ERI1: variants seen among roughly 807,000 people sequenced by gnomAD.
ERI1 encodes the protein 3'-5' exoribonuclease 1.
In ERI1, 39 loss-of-function variants were observed where a neutral mutation model predicts 39.7. The ratio of observed to expected loss-of-function variants is 0.98; its 90% CI spans 0.76 to 1.28. The LOEUF is 1.28. ERI1 is among the 50% of genes most tolerant of loss of function. The pLI is 0.00. For missense variants in ERI1, 581 were observed against 416.9 expected (o/e 1.39, Z -3.43); for synonymous variants, 204 against 149.6 (o/e 1.36, Z -2.65).
rs1182633803 is a variant in ERI1 at position 9,015,740 on chromosome 8, A to AAAAAAAAAAAG, written c.499-581_499-580insAAAAAAAAAGA. On this transcript the variant is annotated intron_variant, in intron 3 of 6. Transcript: ENST00000250263. Reference sequence around the variant, plus strand: ...CTGTCTCCAAAAAAAAAAAAAAAAAAAGAGACCATCGTGAAAGCTTCTTGA... The same window carrying AAAAAAAAAAAG: ...CTGTCTCCAAAAAAAAAAAAAAAAAAAAAAAAAAAAGAGAGACCATCGTGAAAGCTTCTTGA... 2.6e-3 allele frequency among the ~76,000 whole-genome samples: 386 copies of AAAAAAAAAAAG among 148,426 alleles called. 5 individuals carry two copies. The highest frequency in any genetic ancestry group is 9.5e-3 in the African/African-American group (368 of 38,642).
At chr8:9,086,972 C>T (rs1455343884) in intron 3 of ERI1, among the ~76,000 whole-genome samples, 2 of 152,012 alleles carry the variant, frequency 1.3e-5, no homozygotes, top group South Asian at 2.1e-4. Context: ...CTAGTTAGTG[C>T]TGGGCGGTAG....
intron 3 of ERI1, among the ~76,000 whole-genome samples, chr8:9,084,410 G>A (rs1192247233): frequency 6.6e-6 from 1 of 152,124 alleles, no homozygotes; most frequent in Non-Finnish European, 1.5e-5. Flanking sequence ...TAGTGGAATT[G>A]TATGGACAGT....
At chr8:9,071,184 G>A (rs1445363807) in intron 3 of ERI1, among the ~76,000 whole-genome samples, 1 of 152,216 alleles carries the variant, frequency 6.6e-6, no homozygotes, top group Non-Finnish European at 1.5e-5. Flanking sequence ...CTAAGCAGAT[G>A]ATTGCATTGT....
intron 6 of ERI1, among the ~76,000 whole-genome samples, chr8:9,027,758 A>T (rs772386166): frequency 6.6e-6 from 1 of 152,084 alleles, no homozygotes; most frequent in East Asian, 1.9e-4. Flanking sequence ...CATTGATTCA[A>T]TGTATTTGTG....
rs560279359 is a variant in ERI1 at position 9,078,063 on chromosome 8, C to T, written n.300-38285C>T. Among the ~76,000 whole-genome samples the T allele has an allele frequency of 5.9e-5, 9 of 152,272 alleles. No individual in the cohort carries two copies. The East Asian group carries it at 1.3e-3, about 23-fold the overall frequency. On this transcript the variant is annotated intron_variant and non_coding_transcript_variant, in intron 3 of 3. Transcript: ENST00000518663. The stretch of plus-strand genomic sequence containing the variant: ...GGAATGCAGTGGAGTGATCTCGGCT[C>T]ACTGCAACCTCCACCTCCTGGGTTC...
chr8:9,011,888 A>G (rs934616310), intron 3 of ERI1, 136 bp downstream of exon 3: 1 of 578,540 alleles, frequency 1.7e-6, no homozygotes, highest in Non-Finnish European at 2.9e-6. Context: ...CATGAACTTT[A>G]TATCAGCTTG....
chr8:9,076,434 G>A (rs79582759), intron 3 of ERI1, among the ~76,000 whole-genome samples: 8,414 of 152,158 alleles, frequency 0.055, 330 homozygotes, highest in Middle Eastern at 0.095. Context: ...ATGAGATGAA[G>A]GATTTAAATA....
intron 3 of ERI1, among the ~76,000 whole-genome samples, chr8:9,046,250 A>G (rs1441071773): frequency 1.3e-5 from 2 of 152,196 alleles, no homozygotes; most frequent in African/African-American, 4.8e-5. Context: ...TCTTCTGAGC[A>G]TATCTCTTGA....
intron 3 of ERI1, among the ~76,000 whole-genome samples, chr8:9,069,223 C>T (rs1174181841): frequency 6.6e-6 from 1 of 152,192 alleles, no homozygotes; most frequent in Non-Finnish European, 1.5e-5. Context: ...AATTCACAAT[C>T]CCATTAGGAA....
chr8:9,021,464 A>G (rs937261528), intron 6 of ERI1, among the ~76,000 whole-genome samples: 1 of 152,188 alleles, frequency 6.6e-6, no homozygotes, highest in Admixed American at 6.5e-5. Context: ...GTTCTAAAGT[A>G]GTTTCATGAG....
At chr8:9,044,943 A>G (rs138486337) in intron 3 of ERI1, among the ~76,000 whole-genome samples, 117 of 152,186 alleles carry the variant, frequency 7.7e-4, no homozygotes, top group African/African-American at 2.6e-3. Context: ...GAAGCCCTTA[A>G]GAGTAGTAAT....
intron 3 of ERI1, among the ~76,000 whole-genome samples, chr8:9,062,366 C>G (rs561710663): frequency 6.6e-6 from 1 of 151,640 alleles, no homozygotes; most frequent in Non-Finnish European, 1.5e-5. Context: ...GGCTGTAGTC[C>G]AGGAACAGTC....
intron 4 of ERI1, among the ~76,000 whole-genome samples, chr8:9,017,224 G>A (rs1271406219): frequency 6.6e-6 from 1 of 151,660 alleles, no homozygotes; most frequent in Non-Finnish European, 1.5e-5. Context: ...TTTATTTTTA[G>A]TAGAGACGGG....
At chr8:9,018,656 C>T (rs1817557754) in intron 5 of ERI1, among the ~76,000 whole-genome samples, 1 of 152,178 alleles carries the variant, frequency 6.6e-6, no homozygotes, top group Non-Finnish European at 1.5e-5. Flanking sequence ...TGCTAAAACT[C>T]TGTTTTTTCA....
At position 9,003,115 on chromosome 8, in the gene ERI1, C is replaced by T; in HGVS notation, c.52C>T (p.Leu18=). ...TGCCGGCGAGGCCGTGGCTCTCGCG[C>T]TGCTGGAGTCGCCGCGGCCGGAGGG... ...EPAGEAVALA[L]LESPRPEGGE... is the part of the protein sequence containing the mutation. The change falls in exon 1 of 7, where the codon CTG becomes TTG. Residue 18 remains leucine (L), a synonymous_variant. Coordinates refer to ENST00000250263, the MANE Select transcript of ERI1 (RefSeq NM_153332.4). The T allele has an allele frequency of 1.6e-6, 2 of 1,246,558 alleles. No homozygotes were observed. The highest frequency in any genetic ancestry group is 7.9e-5 in the South Asian group (2 of 25,416). The allele number at this position is 1,246,558 out of a possible 1,614,324, so 77.2% of individuals were successfully genotyped here.
At chr8:9,077,286 C>T (rs1799238471) in intron 3 of ERI1, among the ~76,000 whole-genome samples, 1 of 152,184 alleles carries the variant, frequency 6.6e-6, no homozygotes, top group Admixed American at 6.5e-5. Flanking sequence ...ACCTTCAGGG[C>T]CCACCAAAAA....
intron 3 of ERI1, among the ~76,000 whole-genome samples, chr8:9,044,505 C>T (rs1798118433): frequency 6.6e-6 from 1 of 152,220 alleles, no homozygotes; most frequent in Non-Finnish European, 1.5e-5. Context: ...GCCAACTACC[C>T]ATCATCAACT....
chr8:9,040,383 G>T (rs1193570452), intron 3 of ERI1, among the ~76,000 whole-genome samples: 2 of 152,312 alleles, frequency 1.3e-5, no homozygotes, highest in South Asian at 4.1e-4. Context: ...TTTCCGGGTG[G>T]TAGGAGGCTT....
intron 1 of ERI1, 111 bp from the exon 2 acceptor site, chr8:9,007,859 A>G (rs1380122873): frequency 1.4e-6 from 2 of 1,431,732 alleles, no homozygotes; most frequent in South Asian, 1.5e-5. Flanking sequence ...TTGAACATGT[A>G]GCATGAAGAG....
Sources: allele counts gnomAD v4.1 joint callset (sites outside exome capture counted in the v4.1 genomes callset), GRCh38; gene constraint gnomAD v4.1.1; transcripts MANE v1.5; gene names NCBI Gene and HGNC (gene_info 2026-07-23, HGNC 2026-07-21).